The following LIN7A variants were observed in gnomAD, a reference collection of about 807,000 sequenced individuals.
LIN7A encodes lin-7 cell polarity scaffold A, also known as protein lin-7 homolog A.
LIN7A carries 25 observed loss-of-function variants against 29.8 expected under a neutral mutation model. That is an observed-to-expected ratio of 0.84 (90% CI 0.61 to 1.17). LIN7A has a LOEUF of 1.17. LIN7A is among the 50% of genes most tolerant of loss of function. LIN7A has a pLI of 0.00. For synonymous variants in LIN7A, 118 were observed against 107.5 expected (o/e 1.10, Z -0.60); for missense variants, 239 against 287.0 (o/e 0.83, Z 1.21).
rs561106912 is a variant in LIN7A at position 80,841,410 on chromosome 12, G to A, written c.483+4320C>T. ...AAGGAAGGAAGGAAGGAAGGAAGGA[G>A]GGAAAGAAAGTACGAACAGCACCCT... is the stretch of plus-strand genomic sequence containing the variant. On this transcript the variant is annotated intron_variant, in intron 4 of 5. Transcript: ENST00000552864. Among the ~76,000 whole-genome samples, 19 of 144,662 alleles carry A rather than the reference G, an allele frequency of 1.3e-4. No homozygotes were observed. The South Asian group carries it at 4.5e-3, about 34-fold the overall frequency. The allele number at this position is 144,662 out of a possible 152,430, so 94.9% of individuals were successfully genotyped here.
intron 5 of LIN7A, among the ~76,000 whole-genome samples, chr12:80,810,306 A>G (rs1427895211): frequency 6.6e-6 from 1 of 151,636 alleles, no homozygotes; most frequent in Non-Finnish European, 1.5e-5. Flanking sequence ...GGCTTATTTC[A>G]CTTAGCATGA....
At chr12:80,840,353 G>A (rs1872752361) in intron 4 of LIN7A, among the ~76,000 whole-genome samples, 1 of 152,206 alleles carries the variant, frequency 6.6e-6, no homozygotes, top group Non-Finnish European at 1.5e-5. Flanking sequence ...CATTTGGTAA[G>A]CATCAGTTAT....
intron 1 of LIN7A, among the ~76,000 whole-genome samples, chr12:80,896,618 C>T (rs979694177): frequency 4.6e-5 from 7 of 152,132 alleles, no homozygotes; most frequent in African/African-American, 1.7e-4. Flanking sequence ...GACTAATTGG[C>T]AAACCCAAAG....
intron 1 of LIN7A, among the ~76,000 whole-genome samples, chr12:80,927,317 G>A (rs1237391882): frequency 6.6e-5 from 10 of 151,810 alleles, no homozygotes; most frequent in Admixed American, 4.6e-4. Flanking sequence ...GCCCGCCACC[G>A]CGCCCAGCTA....
intron 4 of LIN7A, among the ~76,000 whole-genome samples, chr12:80,839,811 A>T (rs1337041328): frequency 1.6e-4 from 25 of 152,236 alleles, no homozygotes; most frequent in African/African-American, 5.5e-4. Flanking sequence ...AAAAAAGCCG[A>T]TGGCAGGAAA....
intron 4 of LIN7A, among the ~76,000 whole-genome samples, chr12:80,821,185 G>T (rs1214239136): frequency 6.6e-6 from 1 of 152,202 alleles, no homozygotes; most frequent in East Asian, 1.9e-4. Flanking sequence ...AAAGGCCAGG[G>T]ATTGGGGTCA....
At chr12:80,821,027 C>T (rs1379236521) in intron 4 of LIN7A, among the ~76,000 whole-genome samples, 1 of 152,188 alleles carries the variant, frequency 6.6e-6, no homozygotes, top group African/African-American at 2.4e-5. Context: ...TGATCACCAC[C>T]ATCCCCTACA....
intron 4 of LIN7A, chr12:80,832,616 G>C: frequency 2.1e-6 from 1 of 466,176 alleles, no homozygotes; most frequent in Non-Finnish European, 4.4e-6. Context: ...GGGAAGTCTA[G>C]GCTCCTTATG....
chr12:80,872,366 C>T (rs1196530538), intron 2 of LIN7A, among the ~76,000 whole-genome samples: 1 of 152,118 alleles, frequency 6.6e-6, no homozygotes. Context: ...ATCTCTTCCT[C>T]TTAACTATTG....
intron 2 of LIN7A, among the ~76,000 whole-genome samples, chr12:80,855,117 A>G (rs1873532753): frequency 6.6e-6 from 1 of 152,024 alleles, no homozygotes; most frequent in Non-Finnish European, 1.5e-5. Flanking sequence ...CTCTCTATCA[A>G]TGACTGGAAA....
At chr12:80,923,478 A>G (rs1243136926) in intron 1 of LIN7A, among the ~76,000 whole-genome samples, 2 of 152,236 alleles carry the variant, frequency 1.3e-5, no homozygotes, top group South Asian at 2.1e-4. Flanking sequence ...AATAACCACT[A>G]TTAATAAGCA....
intron 2 of LIN7A, among the ~76,000 whole-genome samples, chr12:80,858,278 G>C (rs1167903499): frequency 6.6e-6 from 1 of 152,074 alleles, no homozygotes; most frequent in Non-Finnish European, 1.5e-5. Flanking sequence ...CTATAAAACT[G>C]AAGAATGACT....
In LIN7A at chr12:80,914,685, C is replaced by T. The variant is rs531261082; in HGVS notation, c.82+22956G>A. ...CACAGTCATATCAAATAAATAGGTA[C>T]CATCACTTGGCAATGAATTAACTTT... On this transcript the variant is annotated intron_variant, in intron 1 of 5. Transcript: ENST00000552864. Among the ~76,000 whole-genome samples, 3 of 152,250 alleles carry T rather than the reference C, an allele frequency of 2.0e-5. No individual in the cohort carries two copies. In the South Asian group the frequency reaches 6.2e-4, roughly 32 times the overall value.
chr12:80,853,334 T>TA (rs910847885), intron 2 of LIN7A, among the ~76,000 whole-genome samples: 38 of 117,218 alleles, frequency 3.2e-4, no homozygotes, highest in African/African-American at 7.5e-4. Context: ...AAATAATAGT[T>TA]AAAAAAAAAA....
At chr12:80,817,322 G>C (rs1396625301) in intron 4 of LIN7A, among the ~76,000 whole-genome samples, 2 of 152,116 alleles carry the variant, frequency 1.3e-5, no homozygotes, top group African/African-American at 4.8e-5. Flanking sequence ...CTAGATCTCA[G>C]ATGGAAGCAA....
rs1198577769 is a variant in LIN7A, at chr12:80,847,544, T to A, written c.273+707A>T. 2.0e-5 allele frequency among the ~76,000 whole-genome samples: 3 copies of A among 152,352 alleles called. No homozygotes were observed. In the East Asian group the frequency reaches 5.8e-4, roughly 29 times the overall value. On this transcript the variant is annotated intron_variant, in intron 3 of 5. Coordinates refer to ENST00000552864, the MANE Select transcript of LIN7A (RefSeq NM_004664.4). ...ATACATTATTAGAAAAATAAAGTAT[T>A]TTTAAAAGCAAGTCATGTTTCTATT...
At chr12:80,927,769 T>A (rs562190179) in intron 1 of LIN7A, among the ~76,000 whole-genome samples, 185 of 152,304 alleles carry the variant, frequency 1.2e-3, no homozygotes, top group Non-Finnish European at 1.8e-3. Context: ...GCAGGTTTGT[T>A]ACATAGGTAT....
intron 1 of LIN7A, among the ~76,000 whole-genome samples, chr12:80,933,791 A>T (rs1018591243): frequency 6.6e-6 from 1 of 152,054 alleles, no homozygotes; most frequent in Non-Finnish European, 1.5e-5. Context: ...CTGACTCAGG[A>T]GGGTGTTCCT....
chr12:80,929,724 T>TAC (rs760047962), intron 1 of LIN7A, among the ~76,000 whole-genome samples: 125 of 151,628 alleles, frequency 8.2e-4, no homozygotes, highest in South Asian at 2.9e-3. Context: ...TATATATATG[T>TAC]ACACACACAC....
Sources: gnomAD v4.1 joint callset for allele counts (sites outside exome capture counted in the v4.1 genomes callset) on GRCh38, gnomAD v4.1.1 for gene constraint, MANE v1.5 for transcripts, NCBI Gene and HGNC (gene_info 2026-07-23, HGNC 2026-07-21) for gene names.